The following COL8A1 variants were observed in gnomAD, a reference collection of about 807,000 sequenced individuals.
COL8A1 encodes collagen alpha-1(VIII) chain.
COL8A1 carries 21 observed loss-of-function variants against 42.7 expected under a neutral mutation model. The ratio of observed to expected loss-of-function variants is 0.49; its 90% CI spans 0.35 to 0.71. The LOEUF is 0.71. Ranked by LOEUF, COL8A1 falls within the 30% of genes least tolerant of loss-of-function variation. The probability of loss-of-function intolerance (pLI) is 0.01; values close to 1 mark genes in which losing one functional copy is unlikely to be tolerated. For missense variants in COL8A1, 788 were observed against 962.4 expected (o/e 0.82, Z 2.40); for synonymous variants, 367 against 369.1 (o/e 0.99, Z 0.06).
rs1344350659 is a variant in COL8A1, at chr3:99,795,848, G to C, written c.1947G>C (p.Gln649His). The C allele has an allele frequency of 6.2e-7, 1 of 1,614,228 alleles. No homozygotes were observed. The highest frequency in any genetic ancestry group is 1.1e-5 in the South Asian group (1 of 91,088). Residue 649 changes from glutamine to histidine, a missense_variant, in exon 4 of 4, where the codon CAG (glutamine) becomes CAC (histidine). Coordinates refer to ENST00000652472, the MANE Select transcript of COL8A1 (RefSeq NM_020351.4). ...ACGGCAGACAGAACTACAACCCGCA[G>C]ACAGGCATCTTCACCTGTGAGGTCC... Reference protein sequence around the residue: ...LYNGRQNYNPQTGIFTCEVPG... With the variant: ...LYNGRQNYNPHTGIFTCEVPG...
In COL8A1 at chr3:99,700,991, G is replaced by A. The variant is rs188459937; in HGVS notation, c.-128-43906G>A. Among the ~76,000 whole-genome samples the A allele has an allele frequency of 1.4e-4, 21 of 152,248 alleles. No homozygotes were observed. In the South Asian group the frequency reaches 1.4e-3, roughly 11 times the overall value. ...TACCCCCGTAGCTTCGTGATTTTGC[G>A]TCAGGCTCCTAAGGTCAGAAGGTGT... On this transcript the variant is annotated intron_variant, in intron 1 of 3. Coordinates refer to ENST00000652472, the MANE Select transcript of COL8A1 (RefSeq NM_020351.4).
chr3:99,648,147 A>T (rs1937711889), intron 1 of COL8A1, among the ~76,000 whole-genome samples: 1 of 152,174 alleles, frequency 6.6e-6, no homozygotes, highest in Non-Finnish European at 1.5e-5. Flanking sequence ...GAAGGGTGTT[A>T]TTATTCCCAA....
intron 1 of COL8A1, among the ~76,000 whole-genome samples, chr3:99,671,762 G>A (rs891023929): frequency 6.6e-6 from 1 of 151,872 alleles, no homozygotes; most frequent in Non-Finnish European, 1.5e-5. Flanking sequence ...CAGTAAGAAG[G>A]TTCTTCACAT....
chr3:99,796,430 C>G lies in COL8A1; in HGVS notation c.*294C>G, dbSNP rs2107461541. The G allele has an allele frequency of 8.1e-6, 2 of 246,388 alleles. No individual in the cohort carries two copies. The highest frequency in any genetic ancestry group is 1.5e-4 in the East Asian group (2 of 13,444). 15.3% of individuals were successfully genotyped at this position (246,388 alleles called of 1,614,324 possible). On this transcript the variant is annotated 3_prime_UTR_variant, in exon 4 of 4. Transcript: ENST00000652472. Reference sequence around the variant, plus strand: ...TTTATGTTATATGCTTCCACAGTAACCTGCTTATTCAGATCAGTCAAAATA... The same window carrying G: ...TTTATGTTATATGCTTCCACAGTAAGCTGCTTATTCAGATCAGTCAAAATA...
intron 1 of COL8A1, among the ~76,000 whole-genome samples, chr3:99,718,880 T>C (rs1940075184): frequency 1.3e-5 from 2 of 152,080 alleles, no homozygotes; most frequent in Admixed American, 1.3e-4. Context: ...TTCATCTTAT[T>C]TAGCATGAAT....
In COL8A1 at chr3:99,738,535, C is replaced by T. The variant is rs572839550; in HGVS notation, c.-128-6362C>T. ...GGGGGTGCCTCCTAGTTAGGCTGCT[C>T]GGGGTTCAGGGGTCAGGGACCCACT... On this transcript the variant is annotated intron_variant, in intron 1 of 3. Transcript: ENST00000652472. Among the ~76,000 whole-genome samples the T allele has an allele frequency of 1.1e-4, 17 of 152,274 alleles. No homozygotes were observed. The South Asian group carries it at 1.2e-3, about 11-fold the overall frequency.
chr3:99,782,405 T>G (rs1199397858), intron 2 of COL8A1, among the ~76,000 whole-genome samples: 5 of 152,174 alleles, frequency 3.3e-5, no homozygotes, highest in African/African-American at 4.8e-5. Flanking sequence ...TATTTATTTA[T>G]GTTTGAGATG....
chr3:99,763,145 C>T (rs1941395702), intron 2 of COL8A1, among the ~76,000 whole-genome samples: 1 of 152,174 alleles, frequency 6.6e-6, no homozygotes, highest in Admixed American at 6.5e-5. Context: ...TGATTTCCTG[C>T]CCCAGTTTCC....
intron 1 of COL8A1, among the ~76,000 whole-genome samples, chr3:99,735,849 G>C (rs1315343696): frequency 6.6e-6 from 1 of 152,040 alleles, no homozygotes; most frequent in Non-Finnish European, 1.5e-5. Context: ...GGTCTATTCA[G>C]AGATTCAACT....
intron 1 of COL8A1, among the ~76,000 whole-genome samples, chr3:99,743,399 A>T (rs561524377): frequency 1.3e-5 from 2 of 152,350 alleles, no homozygotes; most frequent in African/African-American, 4.8e-5. Flanking sequence ...TCCACCCTTC[A>T]GGCCTGAACA....
intron 2 of COL8A1, among the ~76,000 whole-genome samples, chr3:99,770,934 C>A (rs1316470418): frequency 6.6e-6 from 1 of 152,146 alleles, no homozygotes; most frequent in Admixed American, 6.5e-5. Flanking sequence ...ACTGCCTTCG[C>A]CAGAGTGGTC....
intron 1 of COL8A1, among the ~76,000 whole-genome samples, chr3:99,723,535 A>C (rs1940216356): frequency 6.6e-6 from 1 of 152,158 alleles, no homozygotes; most frequent in African/African-American, 2.4e-5. Flanking sequence ...TATAAGTGAA[A>C]TGTTCAATTG....
intron 1 of COL8A1, among the ~76,000 whole-genome samples, chr3:99,663,930 C>T (rs929812233): frequency 4.6e-5 from 7 of 152,164 alleles, no homozygotes; most frequent in African/African-American, 1.2e-4. Context: ...ATAAACTCCC[C>T]TACCACAGTT....
In COL8A1 at chr3:99,796,107, T is replaced by A. The variant is rs1011124821; in HGVS notation, c.2206T>A (p.Phe736Ile). 2 of 1,531,756 alleles carry A rather than the reference T, an allele frequency of 1.3e-6. No individual in the cohort carries two copies. The highest frequency in any genetic ancestry group is 2.8e-5 in the African/African-American group (2 of 71,932). The allele number at this position is 1,531,756 out of a possible 1,614,324, so 94.9% of individuals were successfully genotyped here. The change falls in exon 4 of 4, where the codon TTT becomes ATT. Residue 736 changes from phenylalanine (F) to isoleucine (I), a missense_variant. By Grantham distance (21) the Phe-to-Ile change is conservative (BLOSUM62 0). Coordinates refer to ENST00000652472, the MANE Select transcript of COL8A1 (RefSeq NM_020351.4). ...TGCCGGGCAGTATGTCCACTCCTCC[T>A]TTTCAGGATATTTATTGTATCCCAT... ...LYAGQYVHSS[F>I]SGYLLYPM
chr3:99,687,174 C>A (rs1205894394), intron 1 of COL8A1, among the ~76,000 whole-genome samples: 2 of 152,180 alleles, frequency 1.3e-5, no homozygotes, highest in African/African-American at 4.8e-5. Context: ...AATCCAAAGG[C>A]AATGTGGAGC....
chr3:99,761,843 CT>C (rs1941370907), intron 2 of COL8A1, among the ~76,000 whole-genome samples: 1 of 152,148 alleles, frequency 6.6e-6, no homozygotes, highest in South Asian at 2.1e-4. Context: ...GTACTTGTGA[CT>C]TTTACAGAAG....
At chr3:99,700,191 C>T (rs764704334) in intron 1 of COL8A1, among the ~76,000 whole-genome samples, 5 of 151,990 alleles carry the variant, frequency 3.3e-5, no homozygotes, top group African/African-American at 1.2e-4. Flanking sequence ...GGTGGAAACT[C>T]GCTCATTTTT....
intron 1 of COL8A1, among the ~76,000 whole-genome samples, chr3:99,659,107 G>A (rs547740005): frequency 1.3e-5 from 2 of 152,200 alleles, no homozygotes; most frequent in African/African-American, 2.4e-5. Flanking sequence ...GAAAGCAGAT[G>A]CCTTTCCCTG....
intron 3 of COL8A1, among the ~76,000 whole-genome samples, chr3:99,793,193 G>T: frequency 6.6e-6 from 1 of 152,098 alleles, no homozygotes; most frequent in East Asian, 1.9e-4. Flanking sequence ...GAAATAAGTT[G>T]TTTTTTGGAT....
Sources: gnomAD v4.1 joint callset for allele counts (sites outside exome capture counted in the v4.1 genomes callset) on GRCh38, gnomAD v4.1.1 for gene constraint, MANE v1.5 for transcripts, NCBI Gene and HGNC (gene_info 2026-07-23, HGNC 2026-07-21) for gene names.